TUSC3: variants seen among roughly 807,000 people sequenced by gnomAD.
TUSC3 encodes the protein tumor suppressor candidate 3, also known as dolichyl-diphosphooligosaccharide--protein glycosyltransferase subunit TUSC3.
A neutral mutation model predicts 44.8 loss-of-function variants in TUSC3; 45 were observed. The observed-to-expected ratio is 1.00, with a 90% CI of 0.79 to 1.29. TUSC3 has a LOEUF of 1.29. Among genes scored for constraint, TUSC3 ranks in the 50% most tolerant of loss-of-function variants. The pLI is 0.00. For synonymous variants in TUSC3, 212 were observed against 152.9 expected (o/e 1.39, Z -2.85); for missense variants, 519 against 437.9 (o/e 1.19, Z -1.65).
At chr8:15,808,866 A>T in the TUSC3 span, among the ~76,000 whole-genome samples, 32 of 152,170 alleles carry the variant, frequency 2.1e-4, no homozygotes, top group East Asian at 5.8e-4. Context: ...GTCTTTTTTT[A>T]AAAAAAGATA....
the TUSC3 span, among the ~76,000 whole-genome samples, chr8:15,780,359 T>G: frequency 1.3e-5 from 2 of 152,132 alleles, no homozygotes; most frequent in Non-Finnish European, 2.9e-5. Flanking sequence ...ACACATACAG[T>G]GTCCTAACTC....
chr8:15,587,116 T>G (rs1803634394), intron 1 of TUSC3, among the ~76,000 whole-genome samples: 1 of 152,158 alleles, frequency 6.6e-6, no homozygotes, highest in African/African-American at 2.4e-5. Flanking sequence ...CTGAAACAAA[T>G]TATTTAATAG....
chr8:15,599,112 T>C (rs1804179585), intron 1 of TUSC3, among the ~76,000 whole-genome samples: 1 of 151,924 alleles, frequency 6.6e-6, no homozygotes, highest in Admixed American at 6.6e-5. Context: ...GTTGATGTTG[T>C]CAGTGCTCTG....
At chr8:15,476,970 C>T (rs551126761) in intron 1 of TUSC3, among the ~76,000 whole-genome samples, 2 of 152,186 alleles carry the variant, frequency 1.3e-5, no homozygotes, top group African/African-American at 2.4e-5. Flanking sequence ...CAAAGTTACA[C>T]TTCTATGCAC....
intron 3 of TUSC3, among the ~76,000 whole-genome samples, chr8:15,651,376 T>C (rs1164651497): frequency 6.6e-6 from 1 of 152,232 alleles, no homozygotes; most frequent in African/African-American, 2.4e-5. Flanking sequence ...AAATATTTAT[T>C]GACAAGTATT....
At chr8:15,527,198 T>C (rs1377560655) in intron 2 of TUSC3, among the ~76,000 whole-genome samples, 1 of 152,188 alleles carries the variant, frequency 6.6e-6, no homozygotes, top group Non-Finnish European at 1.5e-5. Flanking sequence ...AATTCTTTTC[T>C]ATGTGCAGCT....
intron 1 of TUSC3, among the ~76,000 whole-genome samples, chr8:15,614,823 A>C (rs1804921522): frequency 6.6e-6 from 1 of 152,014 alleles, no homozygotes; most frequent in Non-Finnish European, 1.5e-5. Flanking sequence ...ATAGTTACAT[A>C]ATAATTTATA....
rs537070322 is a variant in TUSC3, at chr8:15,764,752, A to T, written c.*596A>T. On this transcript the variant is annotated 3_prime_UTR_variant, in exon 11 of 11. Coordinates refer to ENST00000503731, the MANE Select transcript of TUSC3 (RefSeq NM_006765.4). ...AATGGTACCTACAATTTGGATGCCT[A>T]ACCAAGGACTAGAGCTCCTTCTTGA... is the stretch of plus-strand genomic sequence containing the variant. 6.5e-6 allele frequency: 1 copy of T among 152,994 alleles called. No homozygotes were observed. Among genetic ancestry groups the T allele is most frequent in the East Asian group, 1.9e-4 (1 of 5,212 alleles). 9.5% of individuals were successfully genotyped at this position (152,994 alleles called of 1,614,324 possible). A position where few individuals can be genotyped will look rare whatever the true frequency, so the allele number is the denominator to read the frequency against.
At chr8:15,495,485 G>A (rs1173938940) in intron 2 of TUSC3, among the ~76,000 whole-genome samples, 1 of 152,142 alleles carries the variant, frequency 6.6e-6, no homozygotes, top group East Asian at 1.9e-4. Flanking sequence ...TTTATTATCT[G>A]TTCTACATAT....
At chr8:15,502,234 T>G (rs1169389288) in intron 2 of TUSC3, among the ~76,000 whole-genome samples, 2 of 152,234 alleles carry the variant, frequency 1.3e-5, no homozygotes, top group Non-Finnish European at 2.9e-5. Flanking sequence ...AACTGCTTAT[T>G]TCTTCACTTG....
chr8:15,430,139 C>A (rs1179950544), intron 1 of TUSC3, among the ~76,000 whole-genome samples: 9 of 149,374 alleles, frequency 6.0e-5, no homozygotes, highest in African/African-American at 2.0e-4. Flanking sequence ...AGGCCAGCAT[C>A]ATCCTGGTAC....
chr8:15,529,569 T>C (rs1801424328), intron 2 of TUSC3, among the ~76,000 whole-genome samples: 1 of 152,106 alleles, frequency 6.6e-6, no homozygotes, highest in African/African-American at 2.4e-5. Context: ...TATAGAAAAT[T>C]TGCTTTAAAT....
intron 1 of TUSC3, among the ~76,000 whole-genome samples, chr8:15,555,637 T>C (rs1312251056): frequency 2.0e-5 from 3 of 151,648 alleles, no homozygotes; most frequent in Non-Finnish European, 2.9e-5. Flanking sequence ...TCTCATATTT[T>C]ACTTCGAAGG....
the TUSC3 span, among the ~76,000 whole-genome samples, chr8:15,826,157 T>C: frequency 1.3e-5 from 2 of 152,150 alleles, no homozygotes; most frequent in African/African-American, 4.8e-5. Context: ...ATAGAGTTCA[T>C]GCATTCTTTC....
At chr8:15,643,254 C>G (rs563814384) in intron 2 of TUSC3, among the ~76,000 whole-genome samples, 3 of 152,160 alleles carry the variant, frequency 2.0e-5, no homozygotes, top group African/African-American at 7.2e-5. Flanking sequence ...TTGTAAATTA[C>G]GCTGTCTTGG....
chr8:15,688,655 C>T (rs1440646269), intron 6 of TUSC3, among the ~76,000 whole-genome samples: 2 of 152,044 alleles, frequency 1.3e-5, no homozygotes, highest in African/African-American at 2.4e-5. Flanking sequence ...AATTTATTCT[C>T]AGAATAACGC....
intron 3 of TUSC3, among the ~76,000 whole-genome samples, chr8:15,655,141 TA>T (rs1807096176): frequency 6.6e-6 from 1 of 152,158 alleles, no homozygotes; most frequent in Admixed American, 6.5e-5. Context: ...AGGTGGTTGT[TA>T]AACTGTCTTG....
At chr8:15,655,869 AT>A (rs1807140163) in intron 3 of TUSC3, among the ~76,000 whole-genome samples, 1 of 152,074 alleles carries the variant, frequency 6.6e-6, no homozygotes, top group African/African-American at 2.4e-5. Context: ...AAACCACCTT[AT>A]TTTTGCATAA....
At chr8:15,701,731 G>A (rs1021886720) in intron 6 of TUSC3, among the ~76,000 whole-genome samples, 2 of 152,064 alleles carry the variant, frequency 1.3e-5, no homozygotes, top group Admixed American at 6.6e-5. Flanking sequence ...GTTTAAGGTG[G>A]GCTTTTTAAG....
Sources: gnomAD v4.1 joint callset for allele counts (sites outside exome capture counted in the v4.1 genomes callset) on GRCh38, gnomAD v4.1.1 for gene constraint, MANE v1.5 for transcripts, NCBI Gene and HGNC (gene_info 2026-07-23, HGNC 2026-07-21) for gene names.